HECW1: variants seen among roughly 807,000 people sequenced by gnomAD.
HECW1 encodes E3 ubiquitin-protein ligase HECW1.
Under a neutral mutation model 182.3 loss-of-function variants are expected in HECW1, and 61 were observed. That is an observed-to-expected ratio of 0.33 (90% CI 0.27 to 0.41). The LOEUF (loss-of-function observed/expected upper bound fraction) is 0.41, where lower values mean the gene tolerates loss of function less well. Among genes scored for constraint, HECW1 ranks in the 10% least tolerant of loss-of-function variants. The pLI is 1.00. For missense variants in HECW1, 1,739 were observed against 2,108.9 expected (o/e 0.82, Z 3.44); for synonymous variants, 859 against 832.6 (o/e 1.03, Z -0.55).
rs561836513 is a variant in HECW1, at chr7:43,142,816, G to T, written c.-32+28425G>T. 5.9e-5 allele frequency among the ~76,000 whole-genome samples: 9 copies of T among 152,276 alleles called. No homozygotes were observed. The East Asian group carries it at 1.7e-3, about 29-fold the overall frequency. ...CAGAAGCGGGGTTCCGGCTTGTCTT[G>T]CATCCACTCCTATCTGTGGGATGGA... On this transcript the variant is annotated intron_variant, in intron 2 of 29. Transcript: ENST00000395891.
intron 2 of HECW1, among the ~76,000 whole-genome samples, chr7:43,183,697 GGTTACAACT>G (rs1793084212): frequency 6.6e-6 from 1 of 151,970 alleles, no homozygotes. Context: ...GTCAATCTAT[GGTTACAACT>G]GATGAACGAG....
chr7:43,369,186 C>T (rs1202138287), intron 6 of HECW1, among the ~76,000 whole-genome samples: 1 of 152,142 alleles, frequency 6.6e-6, no homozygotes, highest in Non-Finnish European at 1.5e-5. Flanking sequence ...GGGCCGGGCG[C>T]AGTGGCTCAT....
At chr7:43,249,136 C>A (rs574271512) in intron 3 of HECW1, 14 of 152,472 alleles carry the variant, frequency 9.2e-5, no homozygotes, top group Non-Finnish European at 1.5e-4. Context: ...GTCCCCACCT[C>A]CATCAGAACT....
At chr7:43,199,448 A>G (rs146571434) in intron 2 of HECW1, among the ~76,000 whole-genome samples, 1 of 152,340 alleles carries the variant, frequency 6.6e-6, no homozygotes, top group Non-Finnish European at 1.5e-5. Flanking sequence ...TAACAGTTGA[A>G]TATTTACATT....
At chr7:43,555,555 A>G (rs1563123822) in intron 29 of HECW1, among the ~76,000 whole-genome samples, 2 of 152,266 alleles carry the variant, frequency 1.3e-5, no homozygotes. Flanking sequence ...CGTTCGAATT[A>G]TAAAGAAGCT....
At position 43,475,545 on chromosome 7, in the gene HECW1, T is replaced by TATTC. The variant is rs529545955; in HGVS notation, c.3100-4062_3100-4061insCATT. ...TAAAAATTACTTGATAAAAATTAAA[T>TATTC]ATTTATTTATTTATTTATTTAGTGA... On this transcript the variant is annotated intron_variant, in intron 16 of 29. Coordinates refer to ENST00000395891, the MANE Select transcript of HECW1 (RefSeq NM_015052.5). Among the ~76,000 whole-genome samples the TATTC allele has an allele frequency of 1.3e-3, 192 of 142,606 alleles. 1 individual carries two copies. The highest frequency in any genetic ancestry group is 5.7e-3 in the African/African-American group (185 of 32,634). 93.6% of individuals were successfully genotyped at this position (142,606 alleles called of 152,430 possible).
intron 3 of HECW1, among the ~76,000 whole-genome samples, chr7:43,248,217 G>A (rs1799634437): frequency 6.6e-6 from 1 of 152,146 alleles, no homozygotes; most frequent in South Asian, 2.1e-4. Flanking sequence ...CAGGGCTGAG[G>A]TGGAGCCCCA....
intron 26 of HECW1, among the ~76,000 whole-genome samples, chr7:43,542,676 C>T (rs2152954286): frequency 6.6e-6 from 1 of 152,234 alleles, no homozygotes; most frequent in South Asian, 2.1e-4. Context: ...GTTCAAGTCC[C>T]TGCTGTATAG....
chr7:43,346,552 C>T (rs143708202), intron 5 of HECW1, among the ~76,000 whole-genome samples: 14 of 152,192 alleles, frequency 9.2e-5, no homozygotes, highest in Non-Finnish European at 1.0e-4. Context: ...GGTTCTTGGT[C>T]GTGAAATCCT....
At chr7:43,214,178 TTA>T (rs1458360328) in intron 2 of HECW1, among the ~76,000 whole-genome samples, 3 of 151,966 alleles carry the variant, frequency 2.0e-5, no homozygotes, top group African/African-American at 7.2e-5. Context: ...TCTCTAATTT[TTA>T]TAGTTATTTT....
rs76604335 is a variant in HECW1, at chr7:43,475,878, C to T, written c.3100-3732C>T. On this transcript the variant is annotated intron_variant, in intron 16 of 29. Coordinates refer to ENST00000395891, the MANE Select transcript of HECW1 (RefSeq NM_015052.5). ...CACATTTATATTTTAAAAACAAATA[C>T]TCTTGGTAAACTAAGAATGTAAATA... Among the ~76,000 whole-genome samples, 1,157 of 152,242 alleles carry T rather than the reference C, an allele frequency of 7.6e-3. 10 individuals are homozygous for T. Among genetic ancestry groups the T allele is most frequent in the Non-Finnish European group, 0.013 (859 of 67,998 alleles).
chr7:43,260,643 G>A (rs1265989743), intron 3 of HECW1, among the ~76,000 whole-genome samples: 2 of 152,210 alleles, frequency 1.3e-5, no homozygotes, highest in African/African-American at 2.4e-5. Flanking sequence ...AGAAATGATG[G>A]TGGCTTGGAC....
chr7:43,440,603 A>AAAG (rs2076855765), intron 9 of HECW1: 1 of 152,252 alleles, frequency 6.6e-6, no homozygotes, highest in Non-Finnish European at 1.5e-5. Context: ...AAAGCAAAAA[A>AAAG]AAGAAAAGCC....
At chr7:43,209,526 C>G (rs935407618) in intron 2 of HECW1, among the ~76,000 whole-genome samples, 1 of 152,130 alleles carries the variant, frequency 6.6e-6, no homozygotes, top group South Asian at 2.1e-4. Flanking sequence ...AAGAGAGCTT[C>G]TCTCTCTCTC....
intron 2 of HECW1, among the ~76,000 whole-genome samples, chr7:43,128,257 A>G (rs1786503689): frequency 6.6e-6 from 1 of 152,206 alleles, no homozygotes; most frequent in South Asian, 2.1e-4. Context: ...AGCTAGAGAG[A>G]AGTCAGTGCC....
Position 43,492,162 on chromosome 7 carries a change from C to T in HECW1, c.3322C>T (p.His1108Tyr), listed in dbSNP as rs1171426198. The T allele has an allele frequency of 1.2e-6, 2 of 1,602,568 alleles. No homozygotes were observed. The highest frequency in any genetic ancestry group is 1.1e-5 in the South Asian group (1 of 88,522). The change falls in exon 18 of 30, where the codon CAT becomes TAT. Residue 1108 changes from histidine to tyrosine, a missense_variant. Coordinates refer to ENST00000395891, the MANE Select transcript of HECW1 (RefSeq NM_015052.5). ...LVAAIRSQHQHESLPLAYNDK... is the reference protein window; with the variant it reads ...LVAAIRSQHQYESLPLAYNDK... The stretch of plus-strand genomic sequence containing the variant: ...AGCTGCTATTCGAAGCCAACATCAA[C>T]ATGAGTCATTGCCACTGGGTATGTA...
chr7:43,142,636 G>A (rs1048094967), intron 2 of HECW1, among the ~76,000 whole-genome samples: 1 of 151,990 alleles, frequency 6.6e-6, no homozygotes, highest in African/African-American at 2.4e-5. Context: ...CTAATTTTTT[G>A]TTTTACCTCT....
intron 6 of HECW1, among the ~76,000 whole-genome samples, chr7:43,386,984 G>A (rs545766515): frequency 9.8e-5 from 15 of 152,294 alleles, no homozygotes; most frequent in African/African-American, 1.7e-4. Flanking sequence ...GCCAGGCAAC[G>A]CATTTGTTTT....
At chr7:43,202,464 T>G (rs1583946950) in intron 2 of HECW1, among the ~76,000 whole-genome samples, 1 of 152,004 alleles carries the variant, frequency 6.6e-6, no homozygotes, top group East Asian at 1.9e-4. Flanking sequence ...AATCATAAAA[T>G]TTTTCTCCTT....
Sources: gnomAD v4.1 joint callset for allele counts (sites outside exome capture counted in the v4.1 genomes callset) on GRCh38, gnomAD v4.1.1 for gene constraint, MANE v1.5 for transcripts, NCBI Gene and HGNC (gene_info 2026-07-23, HGNC 2026-07-21) for gene names.